KCNH5: variants seen among roughly 807,000 people sequenced by gnomAD.
KCNH5 encodes the protein potassium voltage-gated channel subfamily H member 5.
A neutral mutation model predicts 96.1 loss-of-function variants in KCNH5; 46 were observed. The observed-to-expected ratio is 0.48, with a 90% CI of 0.38 to 0.61. KCNH5 has a LOEUF of 0.61. Among genes scored for constraint, KCNH5 ranks in the 20% least tolerant of loss-of-function variants. The pLI is 0.00. For missense variants in KCNH5, 907 were observed against 1,225.8 expected, an observed-to-expected ratio of 0.74 and a Z score of 3.88; for synonymous variants, 439 against 449.8, an observed-to-expected ratio of 0.98 and a Z score of 0.30.
intron 6 of KCNH5, among the ~76,000 whole-genome samples, chr14:62,960,959 T>C (rs1890194662): frequency 1.3e-5 from 2 of 152,190 alleles, no homozygotes; most frequent in South Asian, 4.1e-4. Context: ...TTTTCAGCAA[T>C]ATCCATAATG....
chr14:62,807,002 C>A (rs184007356), intron 8 of KCNH5, among the ~76,000 whole-genome samples: 79 of 152,226 alleles, frequency 5.2e-4, no homozygotes, highest in Non-Finnish European at 6.9e-4. Context: ...CCTTTGCTAC[C>A]AAGAAGCAGC....
chr14:62,925,084 ATT>A (rs1375260636), intron 7 of KCNH5, among the ~76,000 whole-genome samples: 2 of 151,914 alleles, frequency 1.3e-5, no homozygotes, highest in African/African-American at 4.8e-5. Context: ...TATATATAAA[ATT>A]TTTATTTGTC....
chr14:62,757,198 T>C (rs1264638684), intron 10 of KCNH5, among the ~76,000 whole-genome samples: 1 of 152,118 alleles, frequency 6.6e-6, no homozygotes, highest in African/African-American at 2.4e-5. Context: ...TAAAAGCTGA[T>C]CAACCAGAGA....
At chr14:62,906,280 T>G (rs1428705944) in intron 7 of KCNH5, among the ~76,000 whole-genome samples, 1 of 152,150 alleles carries the variant, frequency 6.6e-6, no homozygotes, top group Admixed American at 6.5e-5. Context: ...ATATAGTATG[T>G]CTGTGTGTGT....
At chr14:62,865,127 CA>C (rs2140060425) in intron 7 of KCNH5, among the ~76,000 whole-genome samples, 1 of 151,910 alleles carries the variant, frequency 6.6e-6, no homozygotes, top group African/African-American at 2.4e-5. Flanking sequence ...TCAATTTCAC[CA>C]AAAAAATAAC....
rs147455504 is a variant in KCNH5, at chr14:62,890,539, CA to C, written c.1370-40688del. 8.1e-5 allele frequency among the ~76,000 whole-genome samples: 12 copies of C among 147,536 alleles called. No individual in the cohort carries two copies. The East Asian group carries it at 1.6e-3, about 20-fold the overall frequency. ...TGAAACCCCGTCTCTACTAAAAATA[CA>C]AAAAAAAAATTAGCCGGGCGTGGTG... On this transcript the variant is annotated intron_variant, in intron 7 of 10. Transcript: ENST00000322893.
chr14:62,807,856 T>A (rs917920107), intron 8 of KCNH5, among the ~76,000 whole-genome samples: 1 of 152,152 alleles, frequency 6.6e-6, no homozygotes, highest in Non-Finnish European at 1.5e-5. Context: ...ATGCAAAAAA[T>A]GTTGTACAAT....
chr14:62,804,991 C>A lies in KCNH5; in HGVS notation c.1570-2410G>T, dbSNP rs182449649. Among the ~76,000 whole-genome samples, 3 of 152,264 alleles carry A rather than the reference C, an allele frequency of 2.0e-5. No homozygotes were observed. The East Asian group carries it at 5.8e-4, about 29-fold the overall frequency. On this transcript the variant is annotated intron_variant, in intron 8 of 10. Coordinates refer to ENST00000322893, the MANE Select transcript of KCNH5 (RefSeq NM_139318.5). ...TCCAGACAGAATTAAGAAAATATTT[C>A]AGCACAAACCTGAAGATATTTTAAG...
intron 6 of KCNH5, among the ~76,000 whole-genome samples, chr14:62,954,709 T>C (rs538384348): frequency 6.6e-6 from 1 of 152,228 alleles, no homozygotes; most frequent in East Asian, 1.9e-4. Flanking sequence ...GATAAAGACA[T>C]ACCCAAGACT....
intron 5 of KCNH5, 150 bp downstream of exon 5, chr14:62,986,922 T>G: frequency 1.6e-6 from 1 of 611,006 alleles, no homozygotes; most frequent in Non-Finnish European, 2.9e-6. Context: ...ATAGAAATAT[T>G]TGGGATTTCT....
intron 7 of KCNH5, among the ~76,000 whole-genome samples, chr14:62,936,214 C>T (rs566832504): frequency 3.6e-4 from 55 of 152,192 alleles, no homozygotes; most frequent in African/African-American, 1.3e-3. Context: ...CTTTAGAAAG[C>T]TTTAAAAGGG....
At chr14:63,007,718 A>C (rs1345732695) in intron 2 of KCNH5, among the ~76,000 whole-genome samples, 1 of 152,128 alleles carries the variant, frequency 6.6e-6, no homozygotes, top group African/African-American at 2.4e-5. Context: ...ATGCATTGAC[A>C]TTCTCATCAT....
intron 6 of KCNH5, among the ~76,000 whole-genome samples, chr14:62,970,793 A>G (rs1890392371): frequency 6.6e-6 from 1 of 152,080 alleles, no homozygotes; most frequent in African/African-American, 2.4e-5. Flanking sequence ...AACAACTCCA[A>G]CATCGATTCA....
At chr14:63,015,901 T>C (rs1031236873) in intron 2 of KCNH5, among the ~76,000 whole-genome samples, 5 of 151,834 alleles carry the variant, frequency 3.3e-5, no homozygotes, top group Non-Finnish European at 5.9e-5. Context: ...GGGTCAACTG[T>C]ATATGCATTT....
chr14:62,880,394 G>C (rs980119626), intron 7 of KCNH5, among the ~76,000 whole-genome samples: 3 of 152,152 alleles, frequency 2.0e-5, no homozygotes, highest in African/African-American at 7.2e-5. Flanking sequence ...GTTTTTCAAA[G>C]AAGAAAAGCC....
At chr14:62,884,676 G>T (rs188352357) in intron 7 of KCNH5, among the ~76,000 whole-genome samples, 9 of 152,260 alleles carry the variant, frequency 5.9e-5, no homozygotes, top group Admixed American at 2.0e-4. Context: ...ACAGCTTTGA[G>T]ATATGTGTAT....
intron 6 of KCNH5, among the ~76,000 whole-genome samples, chr14:62,954,004 G>A (rs74791947): frequency 0.011 from 1,656 of 152,276 alleles, 47 homozygotes; most frequent in African/African-American, 0.038. Context: ...AAGCCCATCA[G>A]GACCTTGTAC....
At chr14:62,882,674 T>C (rs1297748459) in intron 7 of KCNH5, among the ~76,000 whole-genome samples, 1 of 152,222 alleles carries the variant, frequency 6.6e-6, no homozygotes, top group African/African-American at 2.4e-5. Context: ...TTTTACTGTC[T>C]TTCTTTTTTA....
chr14:63,002,144 TC>T (rs746155429), intron 3 of KCNH5, among the ~76,000 whole-genome samples: 40 of 152,216 alleles, frequency 2.6e-4, no homozygotes, highest in Non-Finnish European at 5.0e-4. Flanking sequence ...TCCCCAGGCA[TC>T]TTTTTGAGCC....
Sources: gnomAD v4.1 joint callset for allele counts (sites outside exome capture counted in the v4.1 genomes callset) on GRCh38, gnomAD v4.1.1 for gene constraint, MANE v1.5 for transcripts, NCBI Gene and HGNC (gene_info 2026-07-23, HGNC 2026-07-21) for gene names.